ROBO2: variants seen among roughly 807,000 people sequenced by gnomAD.
The protein encoded by ROBO2 is roundabout guidance receptor 2.
ROBO2 carries 53 observed loss-of-function variants against 160.8 expected under a neutral mutation model. That is an observed-to-expected ratio of 0.33 (90% CI 0.26 to 0.41). The LOEUF is 0.41. Ranked by LOEUF, ROBO2 falls within the 10% of genes least tolerant of loss-of-function variation. ROBO2 has a pLI of 1.00. For synonymous variants in ROBO2, 664 were observed against 611.7 expected (o/e 1.09, Z -1.26); for missense variants, 1,577 against 1,722.4 (o/e 0.92, Z 1.49).
intron 2 of ROBO2, among the ~76,000 whole-genome samples, chr3:76,207,528 A>G (rs1365928506): frequency 6.6e-6 from 1 of 152,210 alleles, no homozygotes; most frequent in Non-Finnish European, 1.5e-5. Flanking sequence ...TTTAAAAATG[A>G]ATTTATCATT....
chr3:77,288,769 G>A (rs1399761689), intron 2 of ROBO2, among the ~76,000 whole-genome samples: 3 of 152,078 alleles, frequency 2.0e-5, no homozygotes, highest in Non-Finnish European at 4.4e-5. Context: ...AAAAGGAGAC[G>A]AGACCCTACT....
At chr3:76,339,841 G>A (rs979886762) in intron 2 of ROBO2, among the ~76,000 whole-genome samples, 1 of 151,932 alleles carries the variant, frequency 6.6e-6, no homozygotes, top group Non-Finnish European at 1.5e-5. Flanking sequence ...TAATTTGTAG[G>A]AAATTAAAAT....
chr3:76,785,385 C>A (rs1233422420), intron 2 of ROBO2, among the ~76,000 whole-genome samples: 2 of 151,128 alleles, frequency 1.3e-5, no homozygotes, highest in African/African-American at 4.8e-5. Context: ...TGTTAAGGTG[C>A]TAGGAAAGCT....
At chr3:77,108,023 TA>T (rs2150151112) in intron 2 of ROBO2, among the ~76,000 whole-genome samples, 1 of 151,590 alleles carries the variant, frequency 6.6e-6, no homozygotes, top group South Asian at 2.1e-4. Context: ...AACATACATA[TA>T]TTTTTTTCTT....
intron 2 of ROBO2, among the ~76,000 whole-genome samples, chr3:76,066,036 A>G (rs2068244230): frequency 6.6e-6 from 1 of 151,726 alleles, no homozygotes; most frequent in South Asian, 2.1e-4. Context: ...CTTTAAATCC[A>G]TCTAAGGTTA....
At chr3:76,703,806 T>C (rs2608138) in intron 2 of ROBO2, among the ~76,000 whole-genome samples, 64,089 of 151,946 alleles carry the variant, frequency 0.42, 13,866 homozygotes, top group Non-Finnish European at 0.47. Flanking sequence ...CTATTGTGAA[T>C]AGTGCTGCAG....
At chr3:77,200,546 T>C (rs1110226) in intron 2 of ROBO2, among the ~76,000 whole-genome samples, 5,794 of 151,864 alleles carry the variant, frequency 0.038, 146 homozygotes, top group African/African-American at 0.064. Flanking sequence ...ATGTGCAGGC[T>C]GAGGGTCCCA....
chr3:76,588,358 T>C (rs1200654527), intron 2 of ROBO2, among the ~76,000 whole-genome samples: 1 of 152,204 alleles, frequency 6.6e-6, no homozygotes, highest in Non-Finnish European at 1.5e-5. Context: ...GCATTTAAAA[T>C]AGCCCTCTAA....
intron 2 of ROBO2, among the ~76,000 whole-genome samples, chr3:76,391,979 A>G (rs971768768): frequency 6.6e-6 from 1 of 152,202 alleles, no homozygotes; most frequent in African/African-American, 2.4e-5. Context: ...ATAATAAAGT[A>G]GTCTTTAAGC....
rs4053711 is a variant in ROBO2 at position 76,693,493 on chromosome 3, A to ATC, written c.110-404521_110-404520insTC. Among the ~76,000 whole-genome samples the ATC allele has an allele frequency of 4.6e-5, 7 of 150,816 alleles. No individual in the cohort carries two copies. The East Asian group carries it at 5.9e-4, about 13-fold the overall frequency. On this transcript the variant is annotated intron_variant, in intron 2 of 26. Coordinates refer to the ROBO2 transcript ENST00000487694. ...ATGTATTGTGTGTGTGTGTATATAT[A>ATC]CATATATAGATGAAATTCTTTGTGG... is the stretch of plus-strand genomic sequence containing the variant.
intron 2 of ROBO2, among the ~76,000 whole-genome samples, chr3:76,348,148 C>T (rs2074645116): frequency 6.6e-6 from 1 of 151,580 alleles, no homozygotes; most frequent in Non-Finnish European, 1.5e-5. Context: ...CACACACAGT[C>T]AGTATCAGTC....
intron 2 of ROBO2, among the ~76,000 whole-genome samples, chr3:75,970,864 T>C (rs903583213): frequency 1.3e-5 from 2 of 151,282 alleles, no homozygotes; most frequent in Non-Finnish European, 3.0e-5. Context: ...TCAGGAAATA[T>C]GCTTTTTGAA....
intron 2 of ROBO2, among the ~76,000 whole-genome samples, chr3:76,838,111 T>A (rs2067879626): frequency 6.6e-6 from 1 of 152,116 alleles, no homozygotes; most frequent in Non-Finnish European, 1.5e-5. Context: ...GTGGCTATTA[T>A]CCTCACCAAA....
At chr3:76,046,042 C>T (rs1045139589) in intron 2 of ROBO2, among the ~76,000 whole-genome samples, 3 of 151,880 alleles carry the variant, frequency 2.0e-5, no homozygotes, top group African/African-American at 7.3e-5. Context: ...GCTTGTATAC[C>T]TTTCAAGTCA....
intron 2 of ROBO2, among the ~76,000 whole-genome samples, chr3:76,904,993 G>T (rs1342407849): frequency 2.6e-5 from 4 of 152,084 alleles, no homozygotes; most frequent in African/African-American, 9.6e-5. Context: ...TTTTTTGTTT[G>T]TTTTTAGGAA....
intron 2 of ROBO2, among the ~76,000 whole-genome samples, chr3:77,222,882 CA>C (rs1397707985): frequency 6.6e-6 from 1 of 152,158 alleles, no homozygotes; most frequent in Admixed American, 6.5e-5. Context: ...GTGTACAAAG[CA>C]CTTAAAGCTG....
At chr3:77,042,561 AG>A (rs2064204563) in intron 1 of ROBO2, among the ~76,000 whole-genome samples, 1 of 152,200 alleles carries the variant, frequency 6.6e-6, no homozygotes, top group South Asian at 2.1e-4. Context: ...ACAGGAAATC[AG>A]AAGAGCTTGG....
intron 2 of ROBO2, among the ~76,000 whole-genome samples, chr3:77,420,408 T>G (rs1177729554): frequency 1.3e-5 from 2 of 152,138 alleles, no homozygotes; most frequent in Non-Finnish European, 2.9e-5. Flanking sequence ...ATATTGGGCT[T>G]TCTCTTGCTG....
intron 2 of ROBO2, among the ~76,000 whole-genome samples, chr3:76,327,995 G>A (rs2073159835): frequency 6.6e-6 from 1 of 152,024 alleles, no homozygotes; most frequent in South Asian, 2.1e-4. Flanking sequence ...CCCTAGATGG[G>A]TTAAATGTGT....
Sources: allele counts gnomAD v4.1 joint callset (sites outside exome capture counted in the v4.1 genomes callset), GRCh38; gene constraint gnomAD v4.1.1; transcripts MANE v1.5; gene names NCBI Gene and HGNC (gene_info 2026-07-23, HGNC 2026-07-21).